The following PDE1A variants were observed in gnomAD, a reference collection of about 807,000 sequenced individuals.
The protein encoded by PDE1A is phosphodiesterase 1A.
PDE1A carries 35 observed loss-of-function variants against 61.7 expected under a neutral mutation model. The observed-to-expected ratio is 0.57, with a 90% CI of 0.43 to 0.75. The LOEUF is 0.75. Ranked by LOEUF, PDE1A falls within the 30% of genes least tolerant of loss-of-function variation. The pLI is 0.00. For missense variants in PDE1A, 597 were observed against 630.6 expected (o/e 0.95, Z 0.57); for synonymous variants, 232 against 213.2 (o/e 1.09, Z -0.77).
intron 1 of PDE1A, among the ~76,000 whole-genome samples, chr2:182,321,571 C>T (rs888260432): frequency 4.6e-5 from 7 of 152,080 alleles, no homozygotes; most frequent in African/African-American, 1.4e-4. Context: ...AGAGAGGAGC[C>T]ACAAAGAAGG....
chr2:182,687,201 G>A, the PDE1A span, among the ~76,000 whole-genome samples: 765 of 152,282 alleles, frequency 5.0e-3, 12 homozygotes, highest in African/African-American at 0.018. Context: ...CTCCCAGCAC[G>A]GAGTTTGAGA....
At chr2:182,383,014 C>T (rs558584604) in intron 1 of PDE1A, among the ~76,000 whole-genome samples, 40 of 152,150 alleles carry the variant, frequency 2.6e-4, no homozygotes, top group Non-Finnish European at 5.0e-4. Flanking sequence ...ACCACCAATA[C>T]GTTAAAACCC....
chr2:182,651,293 C>T, the PDE1A span, among the ~76,000 whole-genome samples: 1 of 152,174 alleles, frequency 6.6e-6, no homozygotes, highest in Non-Finnish European at 1.5e-5. Context: ...AGGTATGAGC[C>T]ACCACACCTG....
At chr2:182,188,295 C>T (rs563672857) in intron 11 of PDE1A, among the ~76,000 whole-genome samples, 25 of 152,190 alleles carry the variant, frequency 1.6e-4, no homozygotes, top group African/African-American at 3.6e-4. Flanking sequence ...CTTTCCCCAA[C>T]GCTTTGTGAT....
chr2:182,413,130 A>G (rs1399132892), intron 1 of PDE1A, among the ~76,000 whole-genome samples: 1 of 152,218 alleles, frequency 6.6e-6, no homozygotes, highest in Non-Finnish European at 1.5e-5. Flanking sequence ...TGACCGTAGC[A>G]TAAGAGTTGT....
chr2:182,683,162 G>A, the PDE1A span, among the ~76,000 whole-genome samples: 14 of 148,712 alleles, frequency 9.4e-5, no homozygotes, highest in East Asian at 2.6e-3. Context: ...GTGCGATCTC[G>A]GCTCACTGCA....
chr2:182,587,675 C>T, the PDE1A span, among the ~76,000 whole-genome samples: 4 of 152,138 alleles, frequency 2.6e-5, no homozygotes, highest in African/African-American at 4.8e-5. Flanking sequence ...CGGGTTTAGA[C>T]AAGTTCTACT....
chr2:182,190,422 G>C (rs773037856), intron 10 of PDE1A, among the ~76,000 whole-genome samples: 2 of 152,224 alleles, frequency 1.3e-5, no homozygotes, highest in Non-Finnish European at 2.9e-5. Flanking sequence ...CTTAGAGTCA[G>C]AAGATACAGT....
chr2:182,442,379 ATGTATCATCTTAGATTTCC>A (rs1574665432), intron 2 of PDE1A, among the ~76,000 whole-genome samples: 2 of 152,162 alleles, frequency 1.3e-5, no homozygotes, highest in East Asian at 3.9e-4. Flanking sequence ...ACTAAATGCA[ATGTATCATCTTAGATTTCC>A]TTCTACATTA....
chr2:182,174,699 C>G (rs1202127277), intron 13 of PDE1A, among the ~76,000 whole-genome samples: 1 of 151,976 alleles, frequency 6.6e-6, no homozygotes, highest in African/African-American at 2.4e-5. Context: ...CTACACGTTG[C>G]ATAAAACAGA....
chr2:182,612,403 T>TGTTTATTCTTCC, the PDE1A span, among the ~76,000 whole-genome samples: 1 of 152,206 alleles, frequency 6.6e-6, no homozygotes, highest in Non-Finnish European at 1.5e-5. Flanking sequence ...ATATCCAGCA[T>TGTTTATTCTTCC]GTTTATTCTT....
At chr2:182,627,742 A>T in the PDE1A span, among the ~76,000 whole-genome samples, 1 of 151,792 alleles carries the variant, frequency 6.6e-6, no homozygotes, top group East Asian at 1.9e-4. Context: ...CAGGAGTTCG[A>T]GACCAGGCTG....
chr2:182,384,491 A>AATAATAATAATAATAAT (rs1559402165), intron 1 of PDE1A, among the ~76,000 whole-genome samples: 2 of 133,562 alleles, frequency 1.5e-5, no homozygotes, highest in Admixed American at 7.7e-5. Flanking sequence ...ATAATAATAA[A>AATAATAATAATAATAAT]ATAGAAATCC....
At chr2:182,465,049 T>G (rs1686563821) in intron 2 of PDE1A, among the ~76,000 whole-genome samples, 1 of 152,138 alleles carries the variant, frequency 6.6e-6, no homozygotes, top group East Asian at 1.9e-4. Flanking sequence ...CTACCTCTAT[T>G]TTGTTAATTT....
At chr2:182,655,175 C>G in the PDE1A span, among the ~76,000 whole-genome samples, 1 of 152,182 alleles carries the variant, frequency 6.6e-6, no homozygotes, top group Non-Finnish European at 1.5e-5. Context: ...GTCATCAGGG[C>G]TCTCCCCGGG....
chr2:182,345,397 C>T (rs1484266998), intron 1 of PDE1A, among the ~76,000 whole-genome samples: 2 of 152,150 alleles, frequency 1.3e-5, no homozygotes, highest in Non-Finnish European at 2.9e-5. Context: ...TATAGTACAC[C>T]AATAAATATT....
At chr2:182,482,330 T>G (rs1687752878) in intron 2 of PDE1A, among the ~76,000 whole-genome samples, 1 of 151,912 alleles carries the variant, frequency 6.6e-6, no homozygotes. Context: ...CCAAAAACCT[T>G]TAACTTAATT....
chr2:182,519,499 A>G (rs1433867047), intron 2 of PDE1A, among the ~76,000 whole-genome samples: 1 of 151,976 alleles, frequency 6.6e-6, no homozygotes, highest in Admixed American at 6.6e-5. Flanking sequence ...TGGGAGTAAG[A>G]AACTGTTTCA....
the PDE1A span, among the ~76,000 whole-genome samples, chr2:182,532,870 C>T: frequency 2.4e-5 from 3 of 126,190 alleles, no homozygotes; most frequent in Non-Finnish European, 3.2e-5. Flanking sequence ...GCGTGAACCC[C>T]GGGAGGCGGA....
Sources: allele counts gnomAD v4.1 joint callset (sites outside exome capture counted in the v4.1 genomes callset), GRCh38; gene constraint gnomAD v4.1.1; transcripts MANE v1.5; gene names NCBI Gene and HGNC (gene_info 2026-07-23, HGNC 2026-07-21).